Variants in MAST2 observed in about 807,000 individuals in gnomAD.
The protein encoded by MAST2 is microtubule associated serine/threonine kinase 2.
A neutral mutation model predicts 147.4 loss-of-function variants in MAST2; 70 were observed. That is an observed-to-expected ratio of 0.47 (90% confidence interval 0.39 to 0.58). The LOEUF (loss-of-function observed/expected upper bound fraction) is 0.58. Ranked by LOEUF, MAST2 falls within the 20% of genes least tolerant of loss-of-function variation. The probability of loss-of-function intolerance (pLI) is 0.00; values close to 1 mark genes in which losing one functional copy is unlikely to be tolerated. For synonymous variants in MAST2, 869 were observed against 896.8 expected (o/e 0.97, Z 0.55); for missense variants, 2,080 against 2,302.3 (o/e 0.90, Z 1.98).
chr1:45,968,044 A>T (rs749443836), intron 5 of MAST2, among the ~76,000 whole-genome samples: 1 of 152,206 alleles, frequency 6.6e-6, no homozygotes, highest in Admixed American at 6.5e-5. Context: ...CACCAACATG[A>T]ACCTCACAGG....
At chr1:45,962,549 G>T (rs1211485490) in intron 5 of MAST2, among the ~76,000 whole-genome samples, 2 of 152,120 alleles carry the variant, frequency 1.3e-5, no homozygotes, top group Non-Finnish European at 2.9e-5. Flanking sequence ...TCATGTGTCT[G>T]TTGGCTGCAT....
intron 4 of MAST2, among the ~76,000 whole-genome samples, chr1:45,924,587 T>C (rs966882095): frequency 1.3e-5 from 2 of 152,106 alleles, no homozygotes; most frequent in Non-Finnish European, 2.9e-5. Context: ...GCAGCCAGAG[T>C]CATGTCAGTG....
chr1:45,805,119 G>C (rs148644635), intron 1 of MAST2, among the ~76,000 whole-genome samples: 1 of 144,330 alleles, frequency 6.9e-6, no homozygotes, highest in Non-Finnish European at 1.5e-5. Context: ...GCATTATTTC[G>C]GCTCACTGCA....
At chr1:45,857,231 C>G (rs1436539067) in intron 3 of MAST2, among the ~76,000 whole-genome samples, 2 of 152,052 alleles carry the variant, frequency 1.3e-5, no homozygotes, top group Non-Finnish European at 2.9e-5. Context: ...ATAGAGAATA[C>G]TTAATTTGTA....
intron 7 of MAST2, among the ~76,000 whole-genome samples, chr1:46,004,535 T>C (rs2149203385): frequency 6.6e-6 from 1 of 152,316 alleles, no homozygotes; most frequent in East Asian, 1.9e-4. Context: ...ATTGCCTCAC[T>C]AGTTTCATGT....
At chr1:45,838,433 G>A (rs996968210) in intron 3 of MAST2, among the ~76,000 whole-genome samples, 1 of 149,470 alleles carries the variant, frequency 6.7e-6, no homozygotes, top group Admixed American at 6.7e-5. Flanking sequence ...ATGTTGGCCA[G>A]GCTCTTCTTG....
intron 4 of MAST2, among the ~76,000 whole-genome samples, chr1:45,903,895 G>A (rs540916276): frequency 1.1e-4 from 17 of 152,318 alleles, no homozygotes; most frequent in African/African-American, 4.1e-4. Flanking sequence ...GAAACTGTGA[G>A]ATAGTAAATG....
At chr1:45,908,006 TTTTA>T (rs1324441182) in intron 4 of MAST2, among the ~76,000 whole-genome samples, 1 of 152,192 alleles carries the variant, frequency 6.6e-6, no homozygotes, top group African/African-American at 2.4e-5. Context: ...ATAACTCATC[TTTTA>T]TTTCTGATAT....
intron 3 of MAST2, among the ~76,000 whole-genome samples, chr1:45,859,012 G>A (rs1314311373): frequency 3.3e-5 from 5 of 152,116 alleles, no homozygotes; most frequent in Non-Finnish European, 7.4e-5. Context: ...GGTTACTGTA[G>A]CCTTGTAGTA....
chr1:46,001,705 G>A (rs1376096629), intron 6 of MAST2, among the ~76,000 whole-genome samples: 1 of 152,206 alleles, frequency 6.6e-6, no homozygotes, highest in Admixed American at 6.5e-5. Context: ...ACAGAACAGA[G>A]TAGAAAAGCT....
At chr1:45,929,256 C>T (rs1042341264) in intron 4 of MAST2, among the ~76,000 whole-genome samples, 6 of 152,038 alleles carry the variant, frequency 3.9e-5, no homozygotes, top group Non-Finnish European at 8.8e-5. Flanking sequence ...TACCCTTATT[C>T]GCATTGACTC....
chr1:46,020,450 T>C (rs1646137831), intron 11 of MAST2, among the ~76,000 whole-genome samples: 1 of 152,184 alleles, frequency 6.6e-6, no homozygotes, highest in Admixed American at 6.5e-5. Flanking sequence ...CTGGAGTTTT[T>C]CATTACCCTT....
intron 4 of MAST2, among the ~76,000 whole-genome samples, chr1:45,918,882 G>A (rs1250157585): frequency 6.6e-6 from 1 of 152,168 alleles, no homozygotes; most frequent in African/African-American, 2.4e-5. Context: ...GGAGGCCGAG[G>A]TGAGCGGATT....
At chr1:45,928,130 A>T (rs1654701785) in intron 4 of MAST2, among the ~76,000 whole-genome samples, 1 of 152,224 alleles carries the variant, frequency 6.6e-6, no homozygotes, top group Admixed American at 6.5e-5. Context: ...CTACATCCCC[A>T]GTATCGTCTA....
chr1:45,907,080 AG>A (rs1650884198), intron 4 of MAST2, among the ~76,000 whole-genome samples: 1 of 152,196 alleles, frequency 6.6e-6, no homozygotes, highest in South Asian at 2.1e-4. Context: ...AGGTTTATGC[AG>A]GTATACTCCA....
intron 3 of MAST2, among the ~76,000 whole-genome samples, chr1:45,853,900 G>A (rs1210185980): frequency 6.6e-6 from 1 of 151,946 alleles, no homozygotes; most frequent in Admixed American, 6.6e-5. Flanking sequence ...GATCAATTTT[G>A]AAGTAATTTT....
chr1:45,961,566 G>A (rs535041811), intron 5 of MAST2, among the ~76,000 whole-genome samples: 6 of 152,296 alleles, frequency 3.9e-5, no homozygotes, highest in Admixed American at 2.0e-4. Flanking sequence ...TTGAGTTAAT[G>A]TGTGTAACAT....
At chr1:45,889,657 G>T (rs1279702481) in intron 4 of MAST2, among the ~76,000 whole-genome samples, 1 of 152,050 alleles carries the variant, frequency 6.6e-6, no homozygotes, top group Non-Finnish European at 1.5e-5. Context: ...CCAGGCTGGA[G>T]TACAGTGACG....
intron 5 of MAST2, among the ~76,000 whole-genome samples, chr1:45,978,088 A>T (rs1644248425): frequency 6.6e-6 from 1 of 152,032 alleles, no homozygotes; most frequent in African/African-American, 2.4e-5. Flanking sequence ...ACACAAAAAA[A>T]CCTGTACATC....
Sources: allele counts gnomAD v4.1 joint callset (sites outside exome capture counted in the v4.1 genomes callset), GRCh38; gene constraint gnomAD v4.1.1; transcripts MANE v1.5; gene names NCBI Gene and HGNC (gene_info 2026-07-23, HGNC 2026-07-21).